Variants in FGF13 observed in about 807,000 individuals in gnomAD.
FGF13 encodes the protein fibroblast growth factor 13, also known as fibroblast growth factor homologous factor 2.
In FGF13, 2 loss-of-function variants were observed where a neutral mutation model predicts 19.5. That is an observed-to-expected ratio of 0.10 (90% CI 0.04 to 0.32). The LOEUF (loss-of-function observed/expected upper bound fraction) is 0.32. Ranked by LOEUF, FGF13 falls within the 10% of genes least tolerant of loss-of-function variation. The pLI is 1.00. For synonymous variants in FGF13, 72 were observed against 76.9 expected (o/e 0.94, Z 0.33); for missense variants, 113 against 192.7 (o/e 0.59, Z 2.45).
intron 1 of FGF13, among the ~76,000 whole-genome samples, chrX:138,969,818 G>A (rs2091908454): frequency 8.9e-6 from 1 of 111,853 alleles, no homozygotes; most frequent in Non-Finnish European, 1.9e-5. Context: ...TATCCATACA[G>A]CCATTGTCGT....
intron 1 of FGF13, among the ~76,000 whole-genome samples, chrX:138,939,369 G>T (rs2124270854): frequency 8.9e-6 from 1 of 112,082 alleles, no homozygotes; most frequent in Admixed American, 9.5e-5. Context: ...TCCATGAATT[G>T]CAAATCCTCA....
chrX:139,173,216 A>T (rs1446792238), intron 1 of FGF13, among the ~76,000 whole-genome samples: 1 of 111,466 alleles, frequency 9.0e-6, no homozygotes, highest in East Asian at 2.8e-4. Flanking sequence ...ACAAGAAATC[A>T]GAAGATCTGG....
chrX:138,741,244 G>A (rs1020245877), upstream of FGF13, among the ~76,000 whole-genome samples: 9 of 111,730 alleles, frequency 8.1e-5, no homozygotes, highest in African/African-American at 2.6e-4. Flanking sequence ...GTCTTATCAG[G>A]TCTAATCAAG....
chrX:139,194,353 G>A (rs2084355307), intron 1 of FGF13, among the ~76,000 whole-genome samples: 2 of 111,647 alleles, frequency 1.8e-5, no homozygotes, highest in South Asian at 3.8e-4. Flanking sequence ...TCTTCTCTAC[G>A]CTTTTATGAT....
Position 138,711,259 on chromosome X carries a change from G to T in FGF13, c.-256C>A. 2 of 914,004 alleles carry T rather than the reference G, an allele frequency of 2.2e-6. No individual in the cohort carries two copies. The highest frequency in any genetic ancestry group is 1.3e-6 in the Non-Finnish European group (1 of 756,394). 75.3% of individuals were successfully genotyped at this position (914,004 alleles called of 1,213,427 possible). On this transcript the variant is annotated 5_prime_UTR_variant, in exon 1 of 5. Coordinates refer to ENST00000315930, the MANE Select transcript of FGF13 (RefSeq NM_004114.5). ...GGGTCGGAGTCGACGCCACAGCCCCGGGCCCGGGATCGCGGGCGAGACTGG... is the reference window on the plus strand; with the variant it reads ...GGGTCGGAGTCGACGCCACAGCCCCTGGCCCGGGATCGCGGGCGAGACTGG...
chrX:139,186,312 ACTC>A (rs1358478319), intron 1 of FGF13, among the ~76,000 whole-genome samples: 1 of 110,987 alleles, frequency 9.0e-6, no homozygotes, highest in Non-Finnish European at 1.9e-5. Flanking sequence ...ATCATTCATG[ACTC>A]CTGTCTCCCG....
intron 1 of FGF13, among the ~76,000 whole-genome samples, chrX:138,935,358 A>G (rs1190938289): frequency 8.9e-6 from 1 of 112,060 alleles, no homozygotes; most frequent in Non-Finnish European, 1.9e-5. Context: ...TGGAGAGCGG[A>G]CTGTGATCAT....
chrX:139,112,867 T>C (rs2083613113), intron 1 of FGF13, among the ~76,000 whole-genome samples: 2 of 111,795 alleles, frequency 1.8e-5, no homozygotes, highest in African/African-American at 6.5e-5. Context: ...TTTCTTTACC[T>C]GTGTTTCACA....
At chrX:138,878,047 A>G (rs916824805) in intron 1 of FGF13, among the ~76,000 whole-genome samples, 1 of 111,701 alleles carries the variant, frequency 9.0e-6, no homozygotes, top group East Asian at 2.8e-4. Flanking sequence ...ATTTCCACCA[A>G]CACCACATAA....
intron 1 of FGF13, among the ~76,000 whole-genome samples, chrX:139,124,417 C>T (rs1267110898): frequency 8.9e-6 from 1 of 112,149 alleles, no homozygotes; most frequent in Non-Finnish European, 1.9e-5. Context: ...TCAGGATAAA[C>T]ATCATCCAGT....
intron 1 of FGF13, among the ~76,000 whole-genome samples, chrX:139,128,143 TGCCC>T (rs1333842584): frequency 9.0e-6 from 1 of 110,547 alleles, no homozygotes; most frequent in Non-Finnish European, 1.9e-5. Flanking sequence ...ATGCAGGTGC[TGCCC>T]TGGTCCTGGA....
At position 138,627,123 on chromosome X, in the gene FGF13, A is replaced by G. The variant is rs2089070178; in HGVS notation, c.*5727T>C. 8.9e-6 allele frequency: 1 copy of G among 111,735 alleles called. No individual in the cohort carries two copies. The highest frequency in any genetic ancestry group is 9.5e-5 in the Admixed American group (1 of 10,479). The allele number at this position is 111,735 out of a possible 1,213,427, so 9.2% of individuals were successfully genotyped here. A position where few individuals can be genotyped will look rare whatever the true frequency, so the allele number is the denominator to read the frequency against. On this transcript the variant is annotated 3_prime_UTR_variant, in exon 5 of 5. Coordinates refer to ENST00000315930, the MANE Select transcript of FGF13 (RefSeq NM_004114.5). ...ATTCTCTGTTACTAAACCCCAGAAT[A>G]TCTTTTTCTACAAAATTGACACAGT... is the stretch of plus-strand genomic sequence containing the variant.
At chrX:139,066,248 T>A (rs1410173389) in intron 1 of FGF13, among the ~76,000 whole-genome samples, 2 of 110,410 alleles carry the variant, frequency 1.8e-5, no homozygotes, top group Non-Finnish European at 3.8e-5. Context: ...CATCCGAAGA[T>A]CACAATTAAA....
intron 3 of FGF13, among the ~76,000 whole-genome samples, chrX:138,766,957 G>C (rs1406720704): frequency 1.8e-5 from 2 of 111,982 alleles, no homozygotes; most frequent in East Asian, 2.8e-4. Flanking sequence ...TGTCAACCTT[G>C]TCAACGATTA....
intron 3 of FGF13, among the ~76,000 whole-genome samples, chrX:138,835,926 G>A (rs1368189082): frequency 9.0e-6 from 1 of 110,525 alleles, no homozygotes; most frequent in African/African-American, 3.3e-5. Context: ...AGTTCGGCCA[G>A]ATATGAAATT....
chrX:138,830,362 G>A (rs932659848), intron 3 of FGF13, among the ~76,000 whole-genome samples: 10 of 111,935 alleles, frequency 8.9e-5, no homozygotes, highest in Admixed American at 1.9e-4. Flanking sequence ...ACCCTTCTGA[G>A]GATGTCTCAG....
rs1556347171 is a variant in FGF13 at position 139,054,899 on chromosome X, G to GTTGTGTTGTGTTGTATTGTA, written c.-113+148516_-113+148517insTACAATACAACACAACACAA. Among the ~76,000 whole-genome samples, 398 of 98,915 alleles carry GTTGTGTTGTGTTGTATTGTA rather than the reference G, an allele frequency of 4.0e-3. 2 individuals carry two copies. Among genetic ancestry groups the GTTGTGTTGTGTTGTATTGTA allele is most frequent in the South Asian group, 0.017 (34 of 2,031 alleles). 85.9% of individuals were successfully genotyped at this position (98,915 alleles called of 115,157 possible). ...GTTGTGTTGTGTTGTGTTGTGTTGT[G>GTTGTGTTGTGTTGTATTGTA]TTGTATTGTATTGTATTGTATTGTA... On this transcript the variant is annotated intron_variant, in intron 1 of 2. Transcript: ENST00000421460.
rs762342808 is a variant in FGF13, at chrX:138,666,908, CTAAA to C, written c.403-31257_403-31254del. Among the ~76,000 whole-genome samples, 713 of 109,348 alleles carry C rather than the reference CTAAA, an allele frequency of 6.5e-3. 4 individuals are homozygous for C. The highest frequency in any genetic ancestry group is 0.012 in the Non-Finnish European group (608 of 52,412). The allele number at this position is 109,348 out of a possible 115,157, so 95.0% of individuals were successfully genotyped here. A position where few individuals can be genotyped will look rare whatever the true frequency, so the allele number is the denominator to read the frequency against. Reference sequence around the variant, plus strand: ...CAAAAACAAATAAACAGAGAACAAACTAAATAGATTATTACTATTCAACCACTAA... The same window carrying C: ...CAAAAACAAATAAACAGAGAACAAACTAGATTATTACTATTCAACCACTAA... On this transcript the variant is annotated intron_variant, in intron 3 of 4. Transcript: ENST00000315930.
At chrX:139,159,214 T>C (rs781286790) in intron 1 of FGF13, among the ~76,000 whole-genome samples, 1 of 112,060 alleles carries the variant, frequency 8.9e-6, no homozygotes, top group African/African-American at 3.2e-5. Flanking sequence ...CAGAATTTCA[T>C]ATGCAGCCAA....
Sources: allele counts gnomAD v4.1 joint callset (sites outside exome capture counted in the v4.1 genomes callset), GRCh38; gene constraint gnomAD v4.1.1; transcripts MANE v1.5; gene names NCBI Gene and HGNC (gene_info 2026-07-23, HGNC 2026-07-21).